Variants in CBR4 observed in about 807,000 individuals in gnomAD.
CBR4 encodes the protein 3-oxoacyl-[acyl-carrier-protein] reductase.
In CBR4, 22 loss-of-function variants were observed where a neutral mutation model predicts 21.0. The observed-to-expected ratio is 1.05, with a 90% CI of 0.75 to 1.50. The LOEUF (loss-of-function observed/expected upper bound fraction) is 1.50, where lower values mean the gene tolerates loss of function less well. CBR4 is among the 40% of genes most tolerant of loss of function. The pLI is 0.00. For missense variants in CBR4, 302 were observed against 286.3 expected, an observed-to-expected ratio of 1.05 and a Z score of -0.40; for synonymous variants, 100 against 104.4, an observed-to-expected ratio of 0.96 and a Z score of 0.26.
At chr4:168,959,513 T>C (rs1485570986) in intron 2 of CBR4, among the ~76,000 whole-genome samples, 1 of 151,874 alleles carries the variant, frequency 6.6e-6, no homozygotes, top group African/African-American at 2.4e-5. Flanking sequence ...CTTTGGCTAA[T>C]CTCGGTGGTT....
intron 2 of CBR4, among the ~76,000 whole-genome samples, chr4:168,978,025 T>C (rs1459328898): frequency 6.6e-6 from 1 of 152,138 alleles, no homozygotes; most frequent in Non-Finnish European, 1.5e-5. Context: ...TCCTAATACA[T>C]CATGTATCCT....
intron 2 of CBR4, among the ~76,000 whole-genome samples, chr4:168,958,388 T>C (rs1029367660): frequency 6.6e-6 from 1 of 152,252 alleles, no homozygotes; most frequent in Non-Finnish European, 1.5e-5. Flanking sequence ...AATTTATCTA[T>C]GTGTATAATA....
intron 2 of CBR4, among the ~76,000 whole-genome samples, chr4:168,920,355 A>G (rs952562134): frequency 6.6e-6 from 1 of 152,232 alleles, no homozygotes; most frequent in African/African-American, 2.4e-5. Context: ...GGTGGGAGGC[A>G]TCTTGCAGGT....
At chr4:168,961,097 C>T (rs1038053434) in intron 2 of CBR4, among the ~76,000 whole-genome samples, 1 of 152,154 alleles carries the variant, frequency 6.6e-6, no homozygotes, top group African/African-American at 2.4e-5. Context: ...AAAAGCAGCA[C>T]TGACCAACTG....
intron 2 of CBR4, among the ~76,000 whole-genome samples, chr4:168,929,465 A>G (rs1762898807): frequency 1.3e-5 from 2 of 152,166 alleles, no homozygotes. Context: ...TACAAGATTC[A>G]TTATATATTT....
chr4:168,956,437 A>G (rs1763686077), intron 2 of CBR4, among the ~76,000 whole-genome samples: 1 of 151,886 alleles, frequency 6.6e-6, no homozygotes, highest in Admixed American at 6.6e-5. Context: ...TCCACAAAAA[A>G]AAACACAAAA....
intron 2 of CBR4, among the ~76,000 whole-genome samples, chr4:168,970,541 A>T (rs962011615): frequency 6.6e-6 from 1 of 152,016 alleles, no homozygotes; most frequent in African/African-American, 2.4e-5. Flanking sequence ...GGTTACATGG[A>T]TAAGTTATTT....
At chr4:169,004,032 A>T (rs1730686834) in intron 3 of CBR4, among the ~76,000 whole-genome samples, 1 of 152,152 alleles carries the variant, frequency 6.6e-6, no homozygotes, top group Non-Finnish European at 1.5e-5. Flanking sequence ...CCAGCATGGC[A>T]CATGTATACA....
At chr4:168,958,177 T>C (rs1048976233) in intron 2 of CBR4, among the ~76,000 whole-genome samples, 2 of 151,966 alleles carry the variant, frequency 1.3e-5, no homozygotes, top group Non-Finnish European at 2.9e-5. Context: ...GACAGGAGAA[T>C]TGCTTGAACC....
chr4:168,920,310 T>A (rs1020483143), intron 2 of CBR4, among the ~76,000 whole-genome samples: 6 of 152,204 alleles, frequency 3.9e-5, no homozygotes, highest in African/African-American at 1.4e-4. Context: ...TCATTTAAGT[T>A]TACTTTAAAT....
intron 2 of CBR4, chr4:168,927,907 G>GTATC (rs1553986435): frequency 4.9e-6 from 1 of 202,542 alleles, no homozygotes; most frequent in African/African-American, 2.3e-5. Flanking sequence ...CAAAACACAT[G>GTATC]TATCTTTCAT....
At chr4:168,921,778 T>C in intron 2 of CBR4, 1 of 1,460,650 alleles carries the variant, frequency 6.8e-7, no homozygotes, top group Non-Finnish European at 9.6e-7. Flanking sequence ...TCTGACAGAA[T>C]GAACATCAGA....
intron 2 of CBR4, chr4:168,925,334 A>G (rs1246294299): frequency 2.3e-6 from 3 of 1,320,070 alleles, no homozygotes; most frequent in Non-Finnish European, 3.3e-6. Context: ...TTTCTCTTAC[A>G]TTGGCTAGTT....
rs180849261 is a variant in CBR4, at chr4:168,929,702, G to A, written n.170-34937C>T. Among the ~76,000 whole-genome samples the A allele has an allele frequency of 4.9e-3, 747 of 152,246 alleles. 6 individuals are homozygous for A. Among genetic ancestry groups the A allele is most frequent in the Admixed American group, 5.5e-3 (84 of 15,294 alleles). Reference sequence around the variant, plus strand: ...TCTTTTGATCATGTGTGACCCATAAGCAAGTTACTTTACCTCCCCAAGCCT... The same window carrying A: ...TCTTTTGATCATGTGTGACCCATAAACAAGTTACTTTACCTCCCCAAGCCT... On this transcript the variant is annotated intron_variant and non_coding_transcript_variant, in intron 2 of 3. Transcript: ENST00000509108.
At chr4:168,925,212 T>A in intron 2 of CBR4, 1 of 1,597,586 alleles carries the variant, frequency 6.3e-7, no homozygotes, top group Non-Finnish European at 8.6e-7. Flanking sequence ...CATATTGCTC[T>A]CTCTCTCTTT....
chr4:168,994,077 G>A (rs1196973810), intron 4 of CBR4, among the ~76,000 whole-genome samples: 11 of 152,270 alleles, frequency 7.2e-5, no homozygotes, highest in Non-Finnish European at 1.3e-4. Context: ...GGGGTCTCAC[G>A]GCCTTCAGAG....
chr4:168,917,038 G>GT (rs1216850276), intron 2 of CBR4, among the ~76,000 whole-genome samples: 14 of 135,362 alleles, frequency 1.0e-4, no homozygotes, highest in South Asian at 7.0e-4. Flanking sequence ...AGGGCTTTTT[G>GT]TTTTTTTGGG....
chr4:168,978,670 C>T (rs1030105793), intron 2 of CBR4, among the ~76,000 whole-genome samples: 7 of 152,192 alleles, frequency 4.6e-5, no homozygotes, highest in African/African-American at 1.7e-4. Context: ...GTGTGCCACT[C>T]AGGCACAAAT....
At chr4:168,983,350 C>T (rs533478901), downstream of CBR4, among the ~76,000 whole-genome samples, 34 of 151,822 alleles carry the variant, frequency 2.2e-4, no homozygotes, top group African/African-American at 8.2e-4. Context: ...ATATTATCTC[C>T]CAAGATTGAA....
Sources: allele counts gnomAD v4.1 joint callset (sites outside exome capture counted in the v4.1 genomes callset), GRCh38; gene constraint gnomAD v4.1.1; transcripts MANE v1.5; gene names NCBI Gene and HGNC (gene_info 2026-07-23, HGNC 2026-07-21).